The following IL1RAPL2 variants were observed in gnomAD, a reference collection of about 807,000 sequenced individuals.
IL1RAPL2 encodes X-linked interleukin-1 receptor accessory protein-like 2.
IL1RAPL2 carries 3 observed loss-of-function variants against 44.1 expected under a neutral mutation model. The ratio of observed to expected loss-of-function variants is 0.07; its 90% CI spans 0.03 to 0.18. The LOEUF (loss-of-function observed/expected upper bound fraction) is 0.18. IL1RAPL2 is among the 10% of genes least tolerant of loss of function. The pLI is 1.00. For synonymous variants in IL1RAPL2, 181 were observed against 178.8 expected (o/e 1.01, Z -0.10); for missense variants, 391 against 496.4 (o/e 0.79, Z 2.02).
At chrX:105,527,023 A>T (rs2036599333) in intron 6 of IL1RAPL2, among the ~76,000 whole-genome samples, 1 of 111,744 alleles carries the variant, frequency 8.9e-6, no homozygotes, top group Admixed American at 9.5e-5. Flanking sequence ...AGCTAAGAAA[A>T]TTATTATTTT....
intron 1 of IL1RAPL2, among the ~76,000 whole-genome samples, chrX:104,605,255 G>C (rs1400812817): frequency 2.7e-5 from 3 of 111,445 alleles, no homozygotes; most frequent in Non-Finnish European, 5.6e-5. Flanking sequence ...AAATAAAGAT[G>C]TTCTGTGAGA....
chrX:105,013,904 C>G (rs1040351650), intron 2 of IL1RAPL2, among the ~76,000 whole-genome samples: 1 of 112,119 alleles, frequency 8.9e-6, no homozygotes, highest in Non-Finnish European at 1.9e-5. Flanking sequence ...TTTATCTCCA[C>G]AATTGGCTCA....
intron 2 of IL1RAPL2, among the ~76,000 whole-genome samples, chrX:105,111,369 T>A (rs1427343435): frequency 9.0e-6 from 1 of 111,575 alleles, no homozygotes; most frequent in Non-Finnish European, 1.9e-5. Context: ...CCTCTTCTCT[T>A]GTAGTTTGCA....
At chrX:104,790,609 T>A (rs1285010120) in intron 2 of IL1RAPL2, among the ~76,000 whole-genome samples, 3 of 111,302 alleles carry the variant, frequency 2.7e-5, no homozygotes, top group Non-Finnish European at 5.7e-5. Context: ...AACTGCTTTT[T>A]ATTTTTTGTT....
chrX:104,938,671 T>TA (rs1384893232), intron 2 of IL1RAPL2, among the ~76,000 whole-genome samples: 2 of 67,880 alleles, frequency 2.9e-5, no homozygotes, highest in African/African-American at 1.1e-4. Context: ...TTCACTAGAG[T>TA]ATACAAAAAA....
rs746434757 is a variant in IL1RAPL2, at chrX:104,647,537, G to A, written c.-19-11358G>A. 27 of 519,205 alleles carry A rather than the reference G, an allele frequency of 5.2e-5. No homozygotes were observed. The East Asian group carries it at 7.4e-4, about 14-fold the overall frequency. The allele number at this position is 519,205 out of a possible 1,213,427, so 42.8% of individuals were successfully genotyped here. A position where few individuals can be genotyped will look rare whatever the true frequency, so the allele number is the denominator to read the frequency against. Reference sequence around the variant, plus strand: ...GAGCCCAAAGGTGGCTGCTCACTCCGTAAGATTGTCACTCACCTGCCTGGA... The same window carrying A: ...GAGCCCAAAGGTGGCTGCTCACTCCATAAGATTGTCACTCACCTGCCTGGA... On this transcript the variant is annotated intron_variant, in intron 1 of 10. Coordinates refer to ENST00000372582, the MANE Select transcript of IL1RAPL2 (RefSeq NM_017416.2).
At chrX:105,557,279 T>C (rs756079121) in intron 6 of IL1RAPL2, among the ~76,000 whole-genome samples, 1 of 111,381 alleles carries the variant, frequency 9.0e-6, no homozygotes, top group East Asian at 2.8e-4. Flanking sequence ...TGCCCCAAAG[T>C]CTATTAAATG....
At chrX:105,321,961 C>T (rs183810895) in intron 5 of IL1RAPL2, among the ~76,000 whole-genome samples, 10 of 112,821 alleles carry the variant, frequency 8.9e-5, no homozygotes. Context: ...GCAGCCCTAG[C>T]AGGCCAAGGG....
At chrX:105,102,830 T>C (rs1453541238) in intron 2 of IL1RAPL2, among the ~76,000 whole-genome samples, 1 of 111,364 alleles carries the variant, frequency 9.0e-6, no homozygotes, top group Non-Finnish European at 1.9e-5. Flanking sequence ...AGTGGTGAAA[T>C]GTGGTTGGAT....
intron 2 of IL1RAPL2, among the ~76,000 whole-genome samples, chrX:104,689,702 A>G (rs1052704032): frequency 8.1e-5 from 9 of 111,559 alleles, no homozygotes; most frequent in African/African-American, 2.9e-4. Flanking sequence ...GATTAGTATC[A>G]CTAACAAAAG....
chrX:105,332,662 A>G (rs1254251298), intron 5 of IL1RAPL2, among the ~76,000 whole-genome samples: 1 of 112,225 alleles, frequency 8.9e-6, no homozygotes, highest in African/African-American at 3.2e-5. Context: ...AAACAAATTC[A>G]GTTAAGTTGA....
At chrX:104,964,215 A>G (rs1002033416) in intron 2 of IL1RAPL2, among the ~76,000 whole-genome samples, 2 of 111,183 alleles carry the variant, frequency 1.8e-5, no homozygotes, top group Non-Finnish European at 3.8e-5. Context: ...AAATATGTGT[A>G]ATTGTTGACT....
rs181766780 is a variant in IL1RAPL2, at chrX:105,448,255, T to C, written c.698-36058T>C. 5.6e-3 allele frequency among the ~76,000 whole-genome samples: 622 copies of C among 110,436 alleles called. 3 individuals are homozygous for C. Among genetic ancestry groups the C allele is most frequent in the Non-Finnish European group, 9.7e-3 (512 of 52,929 alleles). ...GTGTGCTGGGTGTTCTATAACCTTC[T>C]TGTACTTGAATGCTGATATTTTCCT... On this transcript the variant is annotated intron_variant, in intron 5 of 10. Coordinates refer to ENST00000372582, the MANE Select transcript of IL1RAPL2 (RefSeq NM_017416.2).
At position 104,717,312 on chromosome X, in the gene IL1RAPL2, T is replaced by G. The variant is rs531651491; in HGVS notation, c.82+58317T>G. ...GGAGAGGATCAGGAAAAATAAATAA[T>G]GGGTACTAGGTTTAATACCTGAGTG... On this transcript the variant is annotated intron_variant, in intron 2 of 10. Coordinates refer to ENST00000372582, the MANE Select transcript of IL1RAPL2 (RefSeq NM_017416.2). 1.3e-3 allele frequency among the ~76,000 whole-genome samples: 144 copies of G among 109,842 alleles called. 1 individual carries two copies. Among genetic ancestry groups the G allele is most frequent in the African/African-American group, 4.7e-3 (141 of 30,289 alleles).
At chrX:105,177,540 T>C (rs747889838) in intron 2 of IL1RAPL2, among the ~76,000 whole-genome samples, 20 of 111,002 alleles carry the variant, frequency 1.8e-4, no homozygotes, top group African/African-American at 5.9e-4. Context: ...GTGCCAAAAA[T>C]TGGGGACTGC....
At chrX:104,638,514 C>T (rs1264148582) in intron 1 of IL1RAPL2, among the ~76,000 whole-genome samples, 1 of 111,780 alleles carries the variant, frequency 8.9e-6, no homozygotes, top group Non-Finnish European at 1.9e-5. Flanking sequence ...AACTTCTTAG[C>T]ATTACATTTG....
chrX:105,680,391 C>A (rs1031928763), intron 6 of IL1RAPL2, among the ~76,000 whole-genome samples: 3 of 112,153 alleles, frequency 2.7e-5, no homozygotes, highest in African/African-American at 9.7e-5. Flanking sequence ...GTCTGAGAAC[C>A]CTGGAAGCCA....
At chrX:105,727,037 T>G (rs961981513) in intron 7 of IL1RAPL2, among the ~76,000 whole-genome samples, 2 of 103,418 alleles carry the variant, frequency 1.9e-5, no homozygotes, top group African/African-American at 7.4e-5. Context: ...TTGAACATTT[T>G]AATTTTTTTA....
At chrX:104,944,232 T>C (rs1028958647) in intron 2 of IL1RAPL2, among the ~76,000 whole-genome samples, 1 of 112,093 alleles carries the variant, frequency 8.9e-6, no homozygotes, top group Non-Finnish European at 1.9e-5. Flanking sequence ...CCTCCTCTAG[T>C]AGAAAAGCAA....
Sources: allele counts gnomAD v4.1 joint callset (sites outside exome capture counted in the v4.1 genomes callset), GRCh38; gene constraint gnomAD v4.1.1; transcripts MANE v1.5; gene names NCBI Gene and HGNC (gene_info 2026-07-23, HGNC 2026-07-21).